Variants in SLC16A10 observed in about 807,000 individuals in gnomAD.
The protein encoded by SLC16A10 is solute carrier family 16 member 10.
In SLC16A10, 27 loss-of-function variants were observed where a neutral mutation model predicts 40.0. The observed-to-expected ratio is 0.67, with a 90% CI of 0.50 to 0.93. The LOEUF (loss-of-function observed/expected upper bound fraction) is 0.93. SLC16A10 is among the 40% of genes least tolerant of loss of function. SLC16A10 has a pLI of 0.00. For missense variants in SLC16A10, 529 were observed against 658.2 expected (o/e 0.80, Z 2.15); for synonymous variants, 213 against 249.8 (o/e 0.85, Z 1.39).
intron 1 of SLC16A10, among the ~76,000 whole-genome samples, chr6:111,109,473 G>A (rs1181336541): frequency 7.8e-6 from 1 of 127,958 alleles, no homozygotes; most frequent in Admixed American, 8.2e-5. Context: ...TTTTTTTTTC[G>A]AGACAGAGTT....
intron 1 of SLC16A10, among the ~76,000 whole-genome samples, chr6:111,105,280 A>G (rs1771263845): frequency 6.6e-6 from 1 of 152,194 alleles, no homozygotes; most frequent in Non-Finnish European, 1.5e-5. Flanking sequence ...ATATATTCAC[A>G]GAGTTTAGTA....
chr6:111,179,821 C>T (rs757376784), intron 3 of SLC16A10, among the ~76,000 whole-genome samples: 3 of 152,168 alleles, frequency 2.0e-5, no homozygotes, highest in African/African-American at 7.2e-5. Context: ...GTTATCGCAC[C>T]GAATGCAGCA....
chr6:111,182,618 A>G (rs985214560), intron 3 of SLC16A10, among the ~76,000 whole-genome samples: 19 of 152,094 alleles, frequency 1.2e-4, no homozygotes, highest in African/African-American at 4.3e-4. Flanking sequence ...CCTCCACCAG[A>G]GCTGTATATC....
chr6:111,094,117 G>A (rs868074564), intron 1 of SLC16A10, among the ~76,000 whole-genome samples: 1 of 152,158 alleles, frequency 6.6e-6, no homozygotes, highest in Non-Finnish European at 1.5e-5. Context: ...TTTCAGGAGC[G>A]ATTTTGAGGT....
intron 1 of SLC16A10, 29 bp downstream of exon 1, chr6:111,088,124 C>T (rs762800285): frequency 2.5e-6 from 4 of 1,584,036 alleles, no homozygotes; most frequent in East Asian, 2.4e-5. Flanking sequence ...CGAGGCCAGC[C>T]TGGGCGACCC....
intron 1 of SLC16A10, among the ~76,000 whole-genome samples, chr6:111,147,695 A>G (rs1039451053): frequency 6.6e-6 from 1 of 152,170 alleles, no homozygotes; most frequent in African/African-American, 2.4e-5. Context: ...AATCCTCTAC[A>G]CACACTAATG....
chr6:111,129,735 T>A (rs1771747235), intron 1 of SLC16A10, among the ~76,000 whole-genome samples: 1 of 152,228 alleles, frequency 6.6e-6, no homozygotes, highest in African/African-American at 2.4e-5. Context: ...AAATTGCCTT[T>A]TCTCTCTTGG....
Position 111,177,552 on chromosome 6 carries a change from A to C in SLC16A10, c.829A>C (p.Ser277Arg), listed in dbSNP as rs1053568379. The C allele has an allele frequency of 6.2e-7, 1 of 1,612,942 alleles. No individual in the cohort carries two copies. Among genetic ancestry groups the C allele is most frequent in the Non-Finnish European group, 8.5e-7 (1 of 1,179,680 alleles). The change falls in exon 3 of 6, where the codon AGT (serine) becomes CGT (arginine). Residue 277 changes from serine to arginine, a missense_variant. Ser to Arg is a moderately radical substitution (Grantham distance 110, BLOSUM62 -1). Coordinates refer to ENST00000368851, the MANE Select transcript of SLC16A10 (RefSeq NM_018593.5). Reference protein sequence around the residue: ...GSSLFSRKKFSPPKKIFNFAI... With the variant: ...GSSLFSRKKFRPPKKIFNFAI... The stretch of plus-strand genomic sequence containing the variant: ...CTCCCTCTTTTCCAGGAAAAAGTTC[A>C]GTCCTCCAAAAAAAATTTTCAATTT...
In SLC16A10 at chr6:111,222,130, T is replaced by A. The variant is rs377472794; in HGVS notation, c.1443T>A (p.Ser481Arg). The A allele has an allele frequency of 3.7e-6, 6 of 1,608,602 alleles. No individual in the cohort carries two copies. Among genetic ancestry groups the A allele is most frequent in the South Asian group, 1.1e-5 (1 of 89,966 alleles). ...WIHSKKQREI[S>R]KTTGKEKMEK... ...ATAGTAAGAAGCAAAGAGAGATCAG[T>A]AAAACCACTGGAAAAGAAAAGATGG... Residue 481 changes from serine to arginine, a missense_variant, in exon 6 of 6, where the codon AGT becomes AGA. Ser to Arg is a moderately radical substitution (Grantham distance 110, BLOSUM62 -1). Coordinates refer to ENST00000368851, the MANE Select transcript of SLC16A10 (RefSeq NM_018593.5).
At chr6:111,143,363 A>T (rs1243424426) in intron 1 of SLC16A10, among the ~76,000 whole-genome samples, 1 of 151,864 alleles carries the variant, frequency 6.6e-6, no homozygotes, top group Admixed American at 6.6e-5. Context: ...AGTGTGAGCC[A>T]CTATGCCTGA....
chr6:111,178,336 T>C, intron 3 of SLC16A10: 1 of 526,640 alleles, frequency 1.9e-6, no homozygotes, highest in Non-Finnish European at 3.9e-6. Context: ...AAGAGAACTA[T>C]GGTTTTATAG....
At chr6:111,207,624 A>T (rs1009366018) in intron 4 of SLC16A10, among the ~76,000 whole-genome samples, 8 of 152,218 alleles carry the variant, frequency 5.3e-5, no homozygotes, top group African/African-American at 1.7e-4. Context: ...GATGAGTGCC[A>T]TAGCAACACA....
At chr6:111,206,872 A>G in intron 4 of SLC16A10, 137 bp downstream of exon 4, 1 of 1,116,400 alleles carries the variant, frequency 9.0e-7, no homozygotes, top group South Asian at 1.6e-5. Flanking sequence ...CTTATTGCCC[A>G]GGCTGGAGTG....
chr6:111,206,392 A>C (rs1773255627), intron 3 of SLC16A10, among the ~76,000 whole-genome samples, 200 bp from the exon 4 acceptor site: 1 of 152,178 alleles, frequency 6.6e-6, no homozygotes, highest in South Asian at 2.1e-4. Context: ...AATGCTTTTA[A>C]AAATGAAAAC....
intron 3 of SLC16A10, among the ~76,000 whole-genome samples, chr6:111,186,691 C>T (rs1310486965): frequency 6.6e-6 from 1 of 152,142 alleles, no homozygotes; most frequent in African/African-American, 2.4e-5. Flanking sequence ...GGGTCTTTAG[C>T]ACCCAAACAA....
At chr6:111,132,947 A>C (rs957209815) in intron 1 of SLC16A10, among the ~76,000 whole-genome samples, 1 of 152,238 alleles carries the variant, frequency 6.6e-6, no homozygotes, top group Non-Finnish European at 1.5e-5. Context: ...AAGTGTTTAC[A>C]GAATCAAAAA....
intron 1 of SLC16A10, among the ~76,000 whole-genome samples, chr6:111,143,382 T>A (rs565262499): frequency 1.2e-4 from 18 of 152,224 alleles, no homozygotes; most frequent in African/African-American, 4.1e-4. Flanking sequence ...GACTTTTTTT[T>A]AAATTTATTT....
intron 1 of SLC16A10, among the ~76,000 whole-genome samples, chr6:111,098,620 T>A (rs1175193967): frequency 1.3e-5 from 2 of 152,224 alleles, no homozygotes; most frequent in African/African-American, 4.8e-5. Flanking sequence ...TAGATAAGTA[T>A]TAATGCCAAG....
chr6:111,222,309 T>C lies in SLC16A10; in HGVS notation c.*74T>C. On this transcript the variant is annotated 3_prime_UTR_variant, in exon 6 of 6. Transcript: ENST00000368851. ...AAGTTTCCTTTCCTTTTATACAAAT[T>C]GCAAATTTCATATTTTTTTAATCAC... is the stretch of plus-strand genomic sequence containing the variant. The C allele has an allele frequency of 1.3e-6, 2 of 1,502,440 alleles. No homozygotes were observed. The highest frequency in any genetic ancestry group is 1.8e-6 in the Non-Finnish European group (2 of 1,138,060). 93.1% of individuals were successfully genotyped at this position (1,502,440 alleles called of 1,614,324 possible).
Sources: allele counts gnomAD v4.1 joint callset (sites outside exome capture counted in the v4.1 genomes callset), GRCh38; gene constraint gnomAD v4.1.1; transcripts MANE v1.5; gene names NCBI Gene and HGNC (gene_info 2026-07-23, HGNC 2026-07-21).